SLC24A2: variants seen among roughly 807,000 people sequenced by gnomAD.
The protein encoded by SLC24A2 is sodium/potassium/calcium exchanger 2.
SLC24A2 carries 36 observed loss-of-function variants against 62.0 expected under a neutral mutation model. That is an observed-to-expected ratio of 0.58 (90% CI 0.44 to 0.77). SLC24A2 has a LOEUF of 0.77. Ranked by LOEUF, SLC24A2 falls within the 30% of genes least tolerant of loss-of-function variation. The pLI is 0.00. For missense variants in SLC24A2, 846 were observed against 817.9 expected, an observed-to-expected ratio of 1.03 and a Z score of -0.42; for synonymous variants, 358 against 294.0, an observed-to-expected ratio of 1.22 and a Z score of -2.23.
the SLC24A2 span, among the ~76,000 whole-genome samples, chr9:20,305,307 C>T: frequency 6.6e-6 from 1 of 151,952 alleles, no homozygotes; most frequent in African/African-American, 2.4e-5. Flanking sequence ...GAGGTTTCAC[C>T]ATGTTGGTCA....
chr9:19,835,218 C>T, the SLC24A2 span, among the ~76,000 whole-genome samples: 2 of 152,144 alleles, frequency 1.3e-5, no homozygotes, highest in Non-Finnish European at 2.9e-5. Flanking sequence ...CAAATTCACA[C>T]ATAACAATAC....
At chr9:19,899,776 T>A in the SLC24A2 span, among the ~76,000 whole-genome samples, 1 of 152,118 alleles carries the variant, frequency 6.6e-6, no homozygotes, top group Non-Finnish European at 1.5e-5. Context: ...CTTCTTCACA[T>A]GATGGCAGCA....
At chr9:20,140,180 C>G in the SLC24A2 span, among the ~76,000 whole-genome samples, 1,865 of 152,294 alleles carry the variant, frequency 0.012, 41 homozygotes, top group African/African-American at 0.043. Flanking sequence ...ATTGGACAGG[C>G]CTTTATTTGC....
At chr9:19,699,124 G>A (rs1820282781) in intron 2 of SLC24A2, among the ~76,000 whole-genome samples, 1 of 152,124 alleles carries the variant, frequency 6.6e-6, no homozygotes. Context: ...AGACTCGGGG[G>A]TTCTGGCAAT....
the SLC24A2 span, among the ~76,000 whole-genome samples, chr9:19,873,963 A>T: frequency 6.6e-6 from 1 of 152,174 alleles, no homozygotes; most frequent in Non-Finnish European, 1.5e-5. Flanking sequence ...CAATTCTTAA[A>T]AATTTTGAAG....
At chr9:20,044,953 G>C in the SLC24A2 span, among the ~76,000 whole-genome samples, 27,897 of 151,918 alleles carry the variant, frequency 0.18, 4,048 homozygotes, top group East Asian at 0.69. Flanking sequence ...GTATGTGGCT[G>C]TCAACAATAC....
Position 19,614,108 on chromosome 9 carries a change from A to C in SLC24A2, c.1078+5476T>G, listed in dbSNP as rs1817701686. 2.0e-5 allele frequency among the ~76,000 whole-genome samples: 3 copies of C among 152,196 alleles called. No individual in the cohort carries two copies. In the South Asian group the frequency reaches 6.2e-4, roughly 32 times the overall value. Reference sequence around the variant, plus strand: ...TGCAACATCCAGCATCCTTGTTTTTAGGTTCATGAAGATGTACCCCTGAGC... The same window carrying C: ...TGCAACATCCAGCATCCTTGTTTTTCGGTTCATGAAGATGTACCCCTGAGC... On this transcript the variant is annotated intron_variant, in intron 4 of 10. Transcript: ENST00000341998.
At chr9:19,517,953 A>ACACACACACT (rs1554666865) in intron 10 of SLC24A2, among the ~76,000 whole-genome samples, 1 of 124,274 alleles carries the variant, frequency 8.0e-6, no homozygotes, top group African/African-American at 3.4e-5. Context: ...ACACACACAC[A>ACACACACACT]CACACTCTCA....
the SLC24A2 span, among the ~76,000 whole-genome samples, chr9:20,017,868 T>A: frequency 5.9e-5 from 9 of 152,292 alleles, no homozygotes; most frequent in South Asian, 1.7e-3. Flanking sequence ...TGAGGGTGGG[T>A]CTGCCTCTCC....
the SLC24A2 span, among the ~76,000 whole-genome samples, chr9:19,803,408 G>A: frequency 6.6e-6 from 1 of 152,222 alleles, no homozygotes; most frequent in Non-Finnish European, 1.5e-5. Flanking sequence ...AAAGTATTTT[G>A]TTGATGGTGC....
intron 2 of SLC24A2, among the ~76,000 whole-genome samples, chr9:19,775,852 T>G (rs1448224564): frequency 6.6e-6 from 1 of 152,176 alleles, no homozygotes; most frequent in Non-Finnish European, 1.5e-5. Context: ...CAGATGCCCT[T>G]GTAGAGTACA....
At chr9:19,561,832 G>C (rs1835419573) in intron 7 of SLC24A2, among the ~76,000 whole-genome samples, 1 of 152,050 alleles carries the variant, frequency 6.6e-6, no homozygotes, top group African/African-American at 2.4e-5. Context: ...ATATATAGAT[G>C]GAAAAAATCA....
At chr9:19,559,961 C>T (rs547668521) in intron 7 of SLC24A2, among the ~76,000 whole-genome samples, 23 of 152,076 alleles carry the variant, frequency 1.5e-4, no homozygotes, top group African/African-American at 3.6e-4. Context: ...TTGGTCTCAC[C>T]GACCCAAACA....
At chr9:19,671,122 T>C (rs945025012) in intron 2 of SLC24A2, among the ~76,000 whole-genome samples, 2 of 71,398 alleles carry the variant, frequency 2.8e-5, no homozygotes, top group Non-Finnish European at 7.7e-5. Context: ...CGCGTTGAAT[T>C]TGTAGATTGC....
chr9:20,083,185 G>T, the SLC24A2 span, among the ~76,000 whole-genome samples: 1 of 152,208 alleles, frequency 6.6e-6, no homozygotes, highest in African/African-American at 2.4e-5. Context: ...TATACTCAGG[G>T]GAGAGACATG....
chr9:20,105,816 A>G, the SLC24A2 span, among the ~76,000 whole-genome samples: 1 of 152,138 alleles, frequency 6.6e-6, no homozygotes, highest in Non-Finnish European at 1.5e-5. Context: ...ACACATTCAA[A>G]AGCTAGCAGA....
the SLC24A2 span, among the ~76,000 whole-genome samples, chr9:19,990,327 T>C: frequency 2.0e-5 from 3 of 152,166 alleles, no homozygotes; most frequent in East Asian, 3.9e-4. Context: ...AGATATCAAA[T>C]GAGGCTGGGC....
the SLC24A2 span, among the ~76,000 whole-genome samples, chr9:20,153,370 T>A: frequency 6.6e-6 from 1 of 151,784 alleles, no homozygotes; most frequent in African/African-American, 2.4e-5. Flanking sequence ...GGGTCTGATG[T>A]TTGGTAATTG....
At position 19,631,471 on chromosome 9, in the gene SLC24A2, G is replaced by A. The variant is rs905564607; in HGVS notation, c.931-9172C>T. Reference sequence around the variant, plus strand: ...TGTGTTAAAGACATCATTTCACAACGCTCCCAACTGCTTGTGTTTGCCATT... The same window carrying A: ...TGTGTTAAAGACATCATTTCACAACACTCCCAACTGCTTGTGTTTGCCATT... On this transcript the variant is annotated intron_variant, in intron 2 of 10. Coordinates refer to ENST00000341998, the MANE Select transcript of SLC24A2 (RefSeq NM_020344.4). Among the ~76,000 whole-genome samples the A allele has an allele frequency of 5.9e-5, 9 of 152,172 alleles. No individual in the cohort carries two copies. In the East Asian group the frequency reaches 9.7e-4, roughly 16 times the overall value.
Sources: gnomAD v4.1 joint callset for allele counts (sites outside exome capture counted in the v4.1 genomes callset) on GRCh38, gnomAD v4.1.1 for gene constraint, MANE v1.5 for transcripts, NCBI Gene and HGNC (gene_info 2026-07-23, HGNC 2026-07-21) for gene names.